The following KDM6A variants were observed in gnomAD, a reference collection of about 807,000 sequenced individuals.
The protein encoded by KDM6A is lysine-specific demethylase 6A.
In KDM6A, 11 loss-of-function variants were observed where a neutral mutation model predicts 117.6. That is an observed-to-expected ratio of 0.09 (90% CI 0.06 to 0.15). KDM6A has a LOEUF of 0.15. Among genes scored for constraint, KDM6A ranks in the 10% least tolerant of loss-of-function variants. The pLI, the probability that KDM6A is intolerant of heterozygous loss-of-function variation, is 1.00. For missense variants in KDM6A, 799 were observed against 1,077.3 expected (o/e 0.74, Z 3.62); for synonymous variants, 384 against 396.1 (o/e 0.97, Z 0.36).
chrX:45,062,836 C>A (rs1360116607), intron 16 of KDM6A, 88 bp downstream of exon 16: 1 of 587,433 alleles, frequency 1.7e-6, no homozygotes, highest in African/African-American at 2.2e-5. Context: ...TGTTTATGTT[C>A]ATTTTTACTT....
Position 45,108,125 on chromosome X carries a change from G to A in KDM6A, c.4161+589G>A, listed in dbSNP as rs780617069. The stretch of plus-strand genomic sequence containing the variant: ...GACCTAATTTTTTCTTCTAGTATTG[G>A]CATAAGAACTCACAAACGTATTAGC... On this transcript the variant is annotated intron_variant, in intron 28 of 29. Transcript: ENST00000611820. 4.5e-5 allele frequency among the ~76,000 whole-genome samples: 5 copies of A among 111,525 alleles called. No individual in the cohort carries two copies. The South Asian group carries it at 1.5e-3, about 33-fold the overall frequency.
intron 3 of KDM6A, among the ~76,000 whole-genome samples, chrX:44,972,670 A>G (rs984381985): frequency 3.6e-5 from 4 of 111,512 alleles, no homozygotes; most frequent in Admixed American, 9.6e-5. Context: ...TAATTAGGAC[A>G]TATGACATGA....
chrX:44,929,809 A>G (rs2036521356), intron 2 of KDM6A, among the ~76,000 whole-genome samples: 1 of 109,297 alleles, frequency 9.1e-6, no homozygotes, highest in Non-Finnish European at 1.9e-5. Context: ...ATTTGGTATG[A>G]TTACTCTTTT....
At chrX:44,884,529 C>T (rs1340931814) in intron 2 of KDM6A, among the ~76,000 whole-genome samples, 1 of 111,768 alleles carries the variant, frequency 8.9e-6, no homozygotes, top group Non-Finnish European at 1.9e-5. Flanking sequence ...AATACATTTC[C>T]CGCAGACTAT....
chrX:45,075,112 A>G (rs2148087394), intron 18 of KDM6A, among the ~76,000 whole-genome samples: 1 of 111,974 alleles, frequency 8.9e-6, no homozygotes, highest in African/African-American at 3.2e-5. Context: ...CCTAAAAGAC[A>G]GTTTCTGTAT....
At chrX:44,978,895 G>A (rs757030978) in intron 4 of KDM6A, among the ~76,000 whole-genome samples, 7 of 111,870 alleles carry the variant, frequency 6.3e-5, no homozygotes, top group African/African-American at 9.7e-5. Context: ...CTTTTACTGA[G>A]ATTCATCCAT....
intron 2 of KDM6A, among the ~76,000 whole-genome samples, chrX:44,959,852 A>G (rs752635672): frequency 9.0e-6 from 1 of 111,701 alleles, no homozygotes; most frequent in East Asian, 2.8e-4. Flanking sequence ...AGGGAAGCAG[A>G]AAGATTAATT....
intron 4 of KDM6A, among the ~76,000 whole-genome samples, chrX:44,998,627 C>T (rs1280795278): frequency 1.8e-5 from 2 of 110,870 alleles, no homozygotes; most frequent in Non-Finnish European, 3.8e-5. Flanking sequence ...ATCTGGTAGA[C>T]AAAGGTACTC....
intron 6 of KDM6A, 148 bp from the exon 7 acceptor site, chrX:45,034,783 A>G: frequency 2.0e-6 from 1 of 496,510 alleles, no homozygotes; most frequent in East Asian, 3.7e-5. Context: ...TAAATGTTCA[A>G]AGTATTTCTA....
At chrX:44,967,080 C>G (rs772736317) in intron 3 of KDM6A, among the ~76,000 whole-genome samples, 1 of 110,929 alleles carries the variant, frequency 9.0e-6, no homozygotes, top group South Asian at 3.8e-4. Flanking sequence ...CTGTGTTAGC[C>G]AGGATGGTCT....
At chrX:44,974,125 C>T (rs762083236) in intron 3 of KDM6A, among the ~76,000 whole-genome samples, 1 of 111,382 alleles carries the variant, frequency 9.0e-6, no homozygotes, top group South Asian at 3.8e-4. Flanking sequence ...AGGCTCTGAA[C>T]ATGGGATTGC....
At position 44,961,291 on chromosome X, in the gene KDM6A, G is replaced by A. The variant is rs772197961; in HGVS notation, c.233G>A (p.Arg78His). ...RTKALLGKAV[R>H]CYESLILKAE... ...GTATTTTTTTATTTCTAGGCTGTTCGCTGCTATGAATCTCTAATCTTAAAA... is the reference window on the plus strand; with the variant it reads ...GTATTTTTTTATTTCTAGGCTGTTCACTGCTATGAATCTCTAATCTTAAAA... Residue 78 changes from arginine (R) to histidine (H), a missense_variant, in exon 3 of 30, where the codon CGC becomes CAC. Around this residue, in one of 8 missense-constraint regions of KDM6A, gnomAD observed 89 missense variants for 117.8 expected, o/e 0.76. Transcript: ENST00000611820. 5.9e-6 allele frequency: 7 copies of A among 1,193,676 alleles called. No individual in the cohort carries two copies. The highest frequency in any genetic ancestry group is 3.5e-5 in the African/African-American group (2 of 56,798).
At chrX:45,110,532 C>A (rs771542706) in intron 29 of KDM6A, among the ~76,000 whole-genome samples, 1 of 111,515 alleles carries the variant, frequency 9.0e-6, no homozygotes, top group African/African-American at 3.3e-5. Context: ...AGAACACTAT[C>A]ATATCCTTTA....
chrX:44,940,003 C>T (rs748884755), intron 2 of KDM6A, among the ~76,000 whole-genome samples: 11 of 112,033 alleles, frequency 9.8e-5, no homozygotes, highest in African/African-American at 1.3e-4. Context: ...TCTATTGTGG[C>T]GGTCTCCAAT....
At chrX:44,953,833 G>A (rs1176063034) in intron 2 of KDM6A, among the ~76,000 whole-genome samples, 2 of 111,418 alleles carry the variant, frequency 1.8e-5, no homozygotes, top group African/African-American at 3.3e-5. Flanking sequence ...CACTTTGGGA[G>A]GCCAAGGCGG....
chrX:44,949,256 G>A (rs976921132), intron 2 of KDM6A, among the ~76,000 whole-genome samples: 2 of 110,581 alleles, frequency 1.8e-5, no homozygotes, highest in Non-Finnish European at 3.8e-5. Flanking sequence ...TTAGCTGGGC[G>A]TGTTGGTGCG....
At chrX:45,107,601 C>CT (rs775892869) in intron 28 of KDM6A, 65 bp downstream of exon 28, 1 of 1,131,030 alleles carries the variant, frequency 8.8e-7, no homozygotes, top group East Asian at 3.0e-5. Flanking sequence ...GTTGGTTTCT[C>CT]TTTATTTTTA....
chrX:44,983,504 C>A (rs1178049958), intron 4 of KDM6A, among the ~76,000 whole-genome samples: 1 of 109,897 alleles, frequency 9.1e-6, no homozygotes, highest in Non-Finnish European at 1.9e-5. Flanking sequence ...TGTTGGTGTG[C>A]TGCACCCATT....
intron 2 of KDM6A, among the ~76,000 whole-genome samples, chrX:44,935,249 G>A (rs898550709): frequency 5.4e-5 from 6 of 111,564 alleles, no homozygotes; most frequent in Non-Finnish European, 1.1e-4. Flanking sequence ...AATTGGTTTT[G>A]GAAAGAGCTA....
Sources: gnomAD v4.1 joint callset for allele counts (sites outside exome capture counted in the v4.1 genomes callset) on GRCh38, gnomAD v4.1.1 for gene constraint, gnomAD v4.1.1 regional missense constraint, MANE v1.5 for transcripts, NCBI Gene and HGNC (gene_info 2026-07-23, HGNC 2026-07-21) for gene names.